DAB1: variants seen among roughly 807,000 people sequenced by gnomAD.
DAB1 encodes DAB adaptor protein 1, also known as disabled homolog 1.
Under a neutral mutation model 64.6 loss-of-function variants are expected in DAB1, and 15 were observed. The observed-to-expected ratio is 0.23, with a 90% CI of 0.16 to 0.36. DAB1 has a LOEUF of 0.36. Ranked by LOEUF, DAB1 falls within the 10% of genes least tolerant of loss-of-function variation. The probability of loss-of-function intolerance (pLI) is 1.00; values close to 1 mark genes in which losing one functional copy is unlikely to be tolerated. For synonymous variants in DAB1, 235 were observed against 251.9 expected (o/e 0.93, Z 0.64); for missense variants, 596 against 706.7 (o/e 0.84, Z 1.78).
intron 2 of DAB1, among the ~76,000 whole-genome samples, chr1:57,162,545 G>A (rs764457150): frequency 1.8e-4 from 28 of 152,168 alleles, no homozygotes; most frequent in Non-Finnish European, 3.5e-4. Flanking sequence ...GTTTCTATTT[G>A]CACGTGCAAC....
At chr1:57,212,302 T>C (rs1258981875) in intron 2 of DAB1, among the ~76,000 whole-genome samples, 1 of 151,604 alleles carries the variant, frequency 6.6e-6, no homozygotes, top group Non-Finnish European at 1.5e-5. Context: ...ACAATAATGA[T>C]TATGATATAA....
At chr1:58,540,217 C>T (rs1311706500) in intron 1 of DAB1, among the ~76,000 whole-genome samples, 1 of 151,794 alleles carries the variant, frequency 6.6e-6, no homozygotes, top group African/African-American at 2.4e-5. Flanking sequence ...TCTGGCCCCA[C>T]CTAACAAATA....
intron 5 of DAB1, among the ~76,000 whole-genome samples, chr1:58,040,936 T>C (rs1436721457): frequency 1.3e-5 from 2 of 152,170 alleles, no homozygotes; most frequent in Non-Finnish European, 2.9e-5. Context: ...CCCCGGGGAT[T>C]GGCTCTTGCT....
intron 11 of DAB1, among the ~76,000 whole-genome samples, chr1:57,019,587 G>A (rs1161321532): frequency 6.6e-6 from 1 of 152,204 alleles, no homozygotes; most frequent in African/African-American, 2.4e-5. Flanking sequence ...AGTTAAGGCT[G>A]TCTGGCCACA....
chr1:57,907,226 T>C (rs973783363), intron 5 of DAB1, among the ~76,000 whole-genome samples: 1 of 152,184 alleles, frequency 6.6e-6, no homozygotes, highest in African/African-American at 2.4e-5. Flanking sequence ...TCAGTACCAC[T>C]ACACCAAGCA....
chr1:58,297,094 G>T (rs1026946053), intron 4 of DAB1, among the ~76,000 whole-genome samples: 3 of 152,128 alleles, frequency 2.0e-5, no homozygotes, highest in Admixed American at 2.0e-4. Context: ...CAACAACCTT[G>T]CAAGGTAAGT....
chr1:57,408,599 C>T (rs935584590), intron 1 of DAB1, among the ~76,000 whole-genome samples: 12 of 152,172 alleles, frequency 7.9e-5, no homozygotes, highest in Non-Finnish European at 2.9e-5. Flanking sequence ...AACACTCACA[C>T]AGCTTGCCTT....
chr1:57,431,773 T>G (rs1463286870), intron 7 of DAB1, among the ~76,000 whole-genome samples: 3 of 152,082 alleles, frequency 2.0e-5, no homozygotes, highest in Non-Finnish European at 1.5e-5. Flanking sequence ...TTTTCACTCA[T>G]AAAGTGGAGC....
chr1:57,954,495 G>C (rs192047740), intron 5 of DAB1, among the ~76,000 whole-genome samples: 1 of 152,226 alleles, frequency 6.6e-6, no homozygotes, highest in Non-Finnish European at 1.5e-5. Context: ...AGAAGAAAGC[G>C]AGGCTACGAT....
At chr1:57,486,876 A>G (rs1218663994) in intron 7 of DAB1, among the ~76,000 whole-genome samples, 1 of 152,144 alleles carries the variant, frequency 6.6e-6, no homozygotes, top group Non-Finnish European at 1.5e-5. Context: ...CCTTATGTGA[A>G]GAAAGAAAAG....
chr1:58,430,280 G>A (rs576978768), intron 3 of DAB1, among the ~76,000 whole-genome samples: 2 of 152,370 alleles, frequency 1.3e-5, no homozygotes, highest in South Asian at 4.1e-4. Context: ...CAGGGCACTG[G>A]TATAGTTACT....
intron 4 of DAB1, among the ~76,000 whole-genome samples, chr1:58,280,900 A>C (rs1661544788): frequency 6.6e-6 from 1 of 152,180 alleles, no homozygotes. Flanking sequence ...TACTTTAGAG[A>C]CCGTAAGAGC....
chr1:57,932,451 G>C (rs142825377), intron 5 of DAB1, among the ~76,000 whole-genome samples: 8 of 149,718 alleles, frequency 5.3e-5, no homozygotes, highest in African/African-American at 2.0e-4. Context: ...AGAGGTGCCC[G>C]CCACCAAGCC....
intron 7 of DAB1, among the ~76,000 whole-genome samples, chr1:57,569,040 C>T (rs1346022198): frequency 1.8e-4 from 27 of 151,246 alleles, no homozygotes; most frequent in Non-Finnish European, 3.4e-4. Flanking sequence ...GGGCGGATCA[C>T]GAGGTCAGGA....
At chr1:57,759,646 G>A (rs1049440553) in intron 6 of DAB1, among the ~76,000 whole-genome samples, 1 of 152,144 alleles carries the variant, frequency 6.6e-6, no homozygotes, top group Non-Finnish European at 1.5e-5. Context: ...ATGCCACTGA[G>A]GTGGTTTTCA....
chr1:57,132,421 C>T lies in DAB1; in HGVS notation c.306+4122G>A, dbSNP rs80198209. Among the ~76,000 whole-genome samples the T allele has an allele frequency of 2.4e-4, 36 of 152,172 alleles. No homozygotes were observed. The East Asian group carries it at 5.8e-3, about 25-fold the overall frequency. The stretch of plus-strand genomic sequence containing the variant: ...ACAGTGACCAATTCATCTTCAAATC[C>T]TCAGGAAACACAGGGCTGCACATGG... On this transcript the variant is annotated intron_variant, in intron 4 of 14. Coordinates refer to ENST00000371236, the MANE Select transcript of DAB1 (RefSeq NM_001365792.1).
intron 3 of DAB1, among the ~76,000 whole-genome samples, chr1:58,361,413 T>C (rs1557739797): frequency 6.6e-6 from 1 of 152,230 alleles, no homozygotes. Flanking sequence ...TATCATGCAA[T>C]GACCCACATG....
At chr1:57,350,134 G>A (rs1365191708) in intron 1 of DAB1, among the ~76,000 whole-genome samples, 2 of 152,190 alleles carry the variant, frequency 1.3e-5, no homozygotes, top group Non-Finnish European at 2.9e-5. Flanking sequence ...AATAGAGAAT[G>A]TACCACATGC....
chr1:57,081,891 TCAGTG>T (rs1652589958), intron 4 of DAB1, among the ~76,000 whole-genome samples: 1 of 152,172 alleles, frequency 6.6e-6, no homozygotes, highest in Admixed American at 6.5e-5. Flanking sequence ...AACAAGATTT[TCAGTG>T]AAAGAAAAAT....
Sources: allele counts gnomAD v4.1 joint callset (sites outside exome capture counted in the v4.1 genomes callset), GRCh38; gene constraint gnomAD v4.1.1; transcripts MANE v1.5; gene names NCBI Gene and HGNC (gene_info 2026-07-23, HGNC 2026-07-21).